ZNF138: variants seen among roughly 807,000 people sequenced by gnomAD.
ZNF138 encodes the protein zinc finger protein 138.
ZNF138 carries 33 observed loss-of-function variants against 33.0 expected under a neutral mutation model. The ratio of observed to expected loss-of-function variants is 1.00; its 90% CI spans 0.76 to 1.34. ZNF138 has a LOEUF of 1.34. ZNF138 is among the 40% of genes most tolerant of loss of function. The probability of loss-of-function intolerance (pLI) is 0.00; values close to 1 mark genes in which losing one functional copy is unlikely to be tolerated. For missense variants in ZNF138, 360 were observed against 370.8 expected, an observed-to-expected ratio of 0.97 and a Z score of 0.24; for synonymous variants, 139 against 120.4, an observed-to-expected ratio of 1.15 and a Z score of -1.01.
At chr7:64,849,714 G>T in the ZNF138 span, among the ~76,000 whole-genome samples, 1,624 of 152,024 alleles carry the variant, frequency 0.011, 23 homozygotes, top group African/African-American at 0.037. Flanking sequence ...GTTGTCAGGG[G>T]TGTGGGGGAA....
At chr7:64,851,275 A>T in the ZNF138 span, among the ~76,000 whole-genome samples, 1 of 152,166 alleles carries the variant, frequency 6.6e-6, no homozygotes, top group Non-Finnish European at 1.5e-5. Flanking sequence ...TCTGGTAAAG[A>T]TTATTCCACT....
chr7:64,809,100 C>T (rs1459019707), intron 1 of ZNF138, among the ~76,000 whole-genome samples: 2 of 111,164 alleles, frequency 1.8e-5, no homozygotes, highest in Non-Finnish European at 3.8e-5. Flanking sequence ...AGCTGTTGGG[C>T]ACACCTCCCA....
At chr7:64,809,778 C>T (rs1225751914) in intron 1 of ZNF138, among the ~76,000 whole-genome samples, 123 of 138,778 alleles carry the variant, frequency 8.9e-4, no homozygotes, top group Non-Finnish European at 1.7e-3. Context: ...ACCTCCCAGA[C>T]GGGGTCGCGG....
At chr7:64,838,325 GCA>G (rs1273878332), downstream of ZNF138, among the ~76,000 whole-genome samples, 1 of 152,178 alleles carries the variant, frequency 6.6e-6, no homozygotes, top group Admixed American at 6.5e-5. Flanking sequence ...TGGGGTTTGG[GCA>G]CTGTTTTGCC....
chr7:64,834,395 C>T (rs1306444379), downstream of ZNF138, among the ~76,000 whole-genome samples: 1 of 152,052 alleles, frequency 6.6e-6, no homozygotes, highest in African/African-American at 2.4e-5. Flanking sequence ...AGTAAATGTG[C>T]TGAGTATATA....
In ZNF138 at chr7:64,832,557, A is replaced by G. The variant is rs368926214; in HGVS notation, c.*355A>G. 3.3e-6 allele frequency: 2 copies of G among 604,024 alleles called. No homozygotes were observed. The highest frequency in any genetic ancestry group is 2.6e-5 in the Admixed American group (1 of 39,166). 37.4% of individuals were successfully genotyped at this position (604,024 alleles called of 1,614,324 possible). A position where few individuals can be genotyped will look rare whatever the true frequency, so the allele number is the denominator to read the frequency against. ...GTCCTCAACTCTTATTACACATAAG[A>G]TAATTCACAGTGGAGAAAAACCCTA... On this transcript the variant is annotated 3_prime_UTR_variant, in exon 4 of 4. Coordinates refer to ENST00000307355, the MANE Select transcript of ZNF138 (RefSeq NM_001271639.2).
chr7:64,805,868 C>T (rs961428809), intron 1 of ZNF138, among the ~76,000 whole-genome samples: 1 of 152,198 alleles, frequency 6.6e-6, no homozygotes, highest in Non-Finnish European at 1.5e-5. Context: ...ACATGGATGG[C>T]CTCCCCAATT....
intron 1 of ZNF138, among the ~76,000 whole-genome samples, chr7:64,802,801 G>GT (rs1352726488): frequency 6.6e-6 from 1 of 152,010 alleles, no homozygotes; most frequent in Non-Finnish European, 1.5e-5. Flanking sequence ...ACCCTAAGGT[G>GT]TTTCTGTTAA....
At chr7:64,852,102 C>G in the ZNF138 span, among the ~76,000 whole-genome samples, 2 of 152,180 alleles carry the variant, frequency 1.3e-5, no homozygotes, top group Admixed American at 6.5e-5. Flanking sequence ...TTAAAAAGAG[C>G]CTATTCGGCA....
At chr7:64,859,436 A>G in the ZNF138 span, among the ~76,000 whole-genome samples, 8 of 152,208 alleles carry the variant, frequency 5.3e-5, no homozygotes, top group African/African-American at 1.9e-4. Context: ...AGTGACTCAA[A>G]CAATTCTCAA....
At chr7:64,853,234 A>G in the ZNF138 span, 5 of 1,608,016 alleles carry the variant, frequency 3.1e-6, no homozygotes, top group South Asian at 5.5e-5. Flanking sequence ...GATTCCAGCA[A>G]TTTTTGCAGG....
chr7:64,851,527 T>C, the ZNF138 span, among the ~76,000 whole-genome samples: 1 of 152,152 alleles, frequency 6.6e-6, no homozygotes, highest in Non-Finnish European at 1.5e-5. Flanking sequence ...CTATACAAAA[T>C]ATAAAATGTA....
chr7:64,813,145 T>G (rs1015752552), intron 1 of ZNF138, among the ~76,000 whole-genome samples: 1 of 152,120 alleles, frequency 6.6e-6, no homozygotes, highest in East Asian at 1.9e-4. Flanking sequence ...AAATGTTCCA[T>G]TTGTGGAAAG....
intron 1 of ZNF138, among the ~76,000 whole-genome samples, chr7:64,814,477 A>G (rs954635479): frequency 2.0e-5 from 3 of 152,160 alleles, no homozygotes; most frequent in Non-Finnish European, 4.4e-5. Flanking sequence ...GTTAAAAATT[A>G]TTTTATGGGC....
At chr7:64,823,179 T>C (rs7810065) in intron 3 of ZNF138, among the ~76,000 whole-genome samples, 150,056 of 152,288 alleles carry the variant, frequency 0.99, 73,969 homozygotes, top group East Asian at 1. Context: ...TGCGCCTGGC[T>C]GAAAAATTAA....
chr7:64,825,511 T>C (rs1367452031), intron 3 of ZNF138, among the ~76,000 whole-genome samples: 2 of 150,872 alleles, frequency 1.3e-5, no homozygotes, highest in Non-Finnish European at 2.9e-5. Flanking sequence ...ATTTTCTTTT[T>C]CTTTTTCTTT....
intron 1 of ZNF138, among the ~76,000 whole-genome samples, chr7:64,807,517 G>T (rs1199405691): frequency 6.6e-6 from 1 of 152,192 alleles, no homozygotes; most frequent in Non-Finnish European, 1.5e-5. Context: ...GCTAGAGCAG[G>T]CTGTATGAGG....
rs1304645491 is a variant in ZNF138 at position 64,831,674 on chromosome 7, T to A, written c.432T>A (p.Tyr144Ter). 6.2e-7 allele frequency: 1 copy of A among 1,608,716 alleles called. No homozygotes were observed. The highest frequency in any genetic ancestry group is 8.5e-7 in the Non-Finnish European group (1 of 1,178,178). Reference sequence around the variant, plus strand: ...GCAAAATATTTCAATGTAATAAATATGTAAAAGTCATGCATAAATTTTCAA... The same window carrying A: ...GCAAAATATTTCAATGTAATAAATAAGTAAAAGTCATGCATAAATTTTCAA... ...TTSKIFQCNKYVKVMHKFSNS... is the reference protein window; with the variant it reads ...TTSKIFQCNK The change falls in exon 4 of 4, where the codon TAT becomes TAA. Residue 144 changes from tyrosine (Y) to a stop codon, truncating the protein, a stop_gained. Coordinates refer to ENST00000307355, the MANE Select transcript of ZNF138 (RefSeq NM_001271639.2). LOFTEE classifies it high-confidence loss of function.
At chr7:64,839,562 T>C in the ZNF138 span, among the ~76,000 whole-genome samples, 1 of 152,010 alleles carries the variant, frequency 6.6e-6, no homozygotes, top group Non-Finnish European at 1.5e-5. Context: ...TCCCTGGGTG[T>C]GCGCATGACT....
Sources: allele counts gnomAD v4.1 joint callset (sites outside exome capture counted in the v4.1 genomes callset), GRCh38; gene constraint gnomAD v4.1.1; transcripts MANE v1.5; gene names NCBI Gene and HGNC (gene_info 2026-07-23, HGNC 2026-07-21).